NECTIN3: variants seen among roughly 807,000 people sequenced by gnomAD.
NECTIN3 encodes nectin-3.
Under a neutral mutation model 49.4 loss-of-function variants are expected in NECTIN3, and 8 were observed. The observed-to-expected ratio is 0.16, with a 90% CI of 0.10 to 0.29. The LOEUF is 0.29. NECTIN3 is among the 10% of genes least tolerant of loss of function. The pLI, the probability that NECTIN3 is intolerant of heterozygous loss-of-function variation, is 1.00. For missense variants in NECTIN3, 581 were observed against 654.6 expected (o/e 0.89, Z 1.23); for synonymous variants, 277 against 241.1 (o/e 1.15, Z -1.38).
intron 7 of NECTIN3, among the ~76,000 whole-genome samples, chr3:111,166,371 C>G (rs370730723): frequency 6.6e-6 from 1 of 151,812 alleles, no homozygotes. Flanking sequence ...TGCTCCTTTT[C>G]TGATCCCTGT....
intron 1 of NECTIN3, chr3:111,075,199 G>C (rs1037433233): frequency 6.6e-6 from 1 of 152,066 alleles, no homozygotes; most frequent in Non-Finnish European, 1.5e-5. Context: ...TGGTGTTTGT[G>C]AGGTATTTTG....
intron 7 of NECTIN3, among the ~76,000 whole-genome samples, chr3:111,177,175 AAG>A (rs2035546202): frequency 6.6e-6 from 1 of 152,192 alleles, no homozygotes; most frequent in African/African-American, 2.4e-5. Context: ...AGTTTTTAAA[AAG>A]AAGAACTGAG....
chr3:111,188,761 A>G (rs186324510), upstream of NECTIN3, among the ~76,000 whole-genome samples: 9 of 152,344 alleles, frequency 5.9e-5, no homozygotes, highest in East Asian at 1.9e-4. Flanking sequence ...AGTTGTTACC[A>G]CATTTAATAG....
At chr3:111,126,427 T>G (rs2034165725) in intron 5 of NECTIN3, 92 bp downstream of exon 5, 1 of 1,099,098 alleles carries the variant, frequency 9.1e-7, no homozygotes, top group Non-Finnish European at 1.3e-6. Flanking sequence ...TTTGTACTTG[T>G]AAAGATACAG....
chr3:111,180,943 TA>T (rs879822106), intron 7 of NECTIN3, among the ~76,000 whole-genome samples: 1 of 152,176 alleles, frequency 6.6e-6, no homozygotes. Flanking sequence ...GAGTTTTTTT[TA>T]AAAAAACTTT....
At chr3:111,121,768 A>G (rs2033965667) in intron 3 of NECTIN3, among the ~76,000 whole-genome samples, 1 of 152,208 alleles carries the variant, frequency 6.6e-6, no homozygotes, top group South Asian at 2.1e-4. Flanking sequence ...TTAATTAAAT[A>G]CTATAATGTA....
downstream of NECTIN3, among the ~76,000 whole-genome samples, chr3:111,141,778 G>A (rs561870808): frequency 1.3e-5 from 2 of 151,866 alleles, no homozygotes; most frequent in Non-Finnish European, 2.9e-5. Context: ...GTTTTGTCTT[G>A]TTTTCTGCCT....
chr3:111,097,959 G>A (rs1238821936), intron 1 of NECTIN3, among the ~76,000 whole-genome samples: 1 of 152,180 alleles, frequency 6.6e-6, no homozygotes, highest in Non-Finnish European at 1.5e-5. Flanking sequence ...CTCTTGTGTA[G>A]TACTTTTCCC....
intron 7 of NECTIN3, among the ~76,000 whole-genome samples, chr3:111,181,082 A>T (rs2035619633): frequency 6.6e-6 from 1 of 152,128 alleles, no homozygotes; most frequent in South Asian, 2.1e-4. Flanking sequence ...AAAATTTCTC[A>T]TGTATACCCT....
At chr3:111,150,051 C>T (rs184107527) in intron 7 of NECTIN3, among the ~76,000 whole-genome samples, 6 of 151,732 alleles carry the variant, frequency 4.0e-5, no homozygotes, top group African/African-American at 7.2e-5. Context: ...GTTGGATTTC[C>T]GATATGGAAA....
At chr3:111,108,467 G>T (rs1271990353) in intron 1 of NECTIN3, among the ~76,000 whole-genome samples, 1 of 152,062 alleles carries the variant, frequency 6.6e-6, no homozygotes, top group African/African-American at 2.4e-5. Context: ...CTAGGCTGTG[G>T]TTTTTCTGGA....
intron 1 of NECTIN3, among the ~76,000 whole-genome samples, chr3:111,100,043 T>A (rs1035137179): frequency 2.0e-5 from 3 of 152,152 alleles, no homozygotes; most frequent in Non-Finnish European, 4.4e-5. Context: ...CTTGCTTTTT[T>A]TTATTCCATT....
intron 1 of NECTIN3, among the ~76,000 whole-genome samples, chr3:111,111,045 G>A (rs1402860321): frequency 2.0e-5 from 3 of 151,896 alleles, no homozygotes; most frequent in Admixed American, 6.6e-5. Flanking sequence ...TTGTTTATAC[G>A]ATTTCCATTT....
intron 7 of NECTIN3, among the ~76,000 whole-genome samples, chr3:111,167,496 A>G (rs1419095714): frequency 6.6e-6 from 1 of 152,242 alleles, no homozygotes; most frequent in African/African-American, 2.4e-5. Context: ...AAACTGACCT[A>G]TTCTTTATAT....
intron 1 of NECTIN3, among the ~76,000 whole-genome samples, chr3:111,078,336 G>A (rs1350860339): frequency 1.1e-4 from 16 of 152,144 alleles, no homozygotes; most frequent in Admixed American, 9.8e-4. Flanking sequence ...CATACAGTGA[G>A]CATGCAATTC....
At chr3:111,124,232 C>T (rs570818022) in intron 4 of NECTIN3, among the ~76,000 whole-genome samples, 9 of 152,202 alleles carry the variant, frequency 5.9e-5, no homozygotes, top group Non-Finnish European at 1.0e-4. Context: ...AATGTCTAAA[C>T]TTCTATATGT....
intron 7 of NECTIN3, among the ~76,000 whole-genome samples, chr3:111,183,584 G>A (rs1202224007): frequency 6.6e-6 from 1 of 152,054 alleles, no homozygotes; most frequent in African/African-American, 2.4e-5. Flanking sequence ...AAAGTGCTGG[G>A]ATTACAGGCG....
At chr3:111,074,912 G>T (rs903404410) in intron 1 of NECTIN3, 2 of 151,782 alleles carry the variant, frequency 1.3e-5, no homozygotes, top group Non-Finnish European at 2.9e-5. Flanking sequence ...ATTATCATGG[G>T]TATGGTAATG....
intron 2 of NECTIN3, among the ~76,000 whole-genome samples, chr3:111,116,787 C>A (rs2033705726): frequency 6.6e-6 from 1 of 151,972 alleles, no homozygotes; most frequent in Admixed American, 6.6e-5. Flanking sequence ...AAAATAAAAT[C>A]TCAGTGGTAT....
Sources: allele counts gnomAD v4.1 joint callset (sites outside exome capture counted in the v4.1 genomes callset), GRCh38; gene constraint gnomAD v4.1.1; transcripts MANE v1.5; gene names NCBI Gene and HGNC (gene_info 2026-07-23, HGNC 2026-07-21).